CLSTN2: variants seen among roughly 807,000 people sequenced by gnomAD.
CLSTN2 encodes the protein calsyntenin 2.
In CLSTN2, 48 loss-of-function variants were observed where a neutral mutation model predicts 101.2. The observed-to-expected ratio is 0.47, with a 90% confidence interval of 0.38 to 0.60. The LOEUF is 0.60. Ranked by LOEUF, CLSTN2 falls within the 20% of genes least tolerant of loss-of-function variation. The probability of loss-of-function intolerance (pLI) is 0.00; values close to 1 mark genes in which losing one functional copy is unlikely to be tolerated. For synonymous variants in CLSTN2, 481 were observed against 463.6 expected (o/e 1.04, Z -0.48); for missense variants, 1,160 against 1,238.2 (o/e 0.94, Z 0.95).
intron 2 of CLSTN2, among the ~76,000 whole-genome samples, chr3:140,255,075 A>T (rs2086594218): frequency 6.6e-6 from 1 of 152,188 alleles, no homozygotes; most frequent in Non-Finnish European, 1.5e-5. Context: ...ATCATTAGGG[A>T]AATATAAATC....
chr3:140,347,874 A>G (rs1038618159), intron 2 of CLSTN2, among the ~76,000 whole-genome samples: 2 of 152,260 alleles, frequency 1.3e-5, no homozygotes, highest in Non-Finnish European at 2.9e-5. Context: ...TTTACCCAAT[A>G]GACAAGTCCA....
At chr3:140,098,185 AGCAAACCACAGTAAGTATCACAACTCAG>A (rs1214765731) in intron 1 of CLSTN2, among the ~76,000 whole-genome samples, 1 of 152,178 alleles carries the variant, frequency 6.6e-6, no homozygotes, top group Non-Finnish European at 1.5e-5. Flanking sequence ...AATGCCACAA[AGCAAACCACAGTAAGTATCACAACTCAG>A]GTGGATACTT....
intron 2 of CLSTN2, among the ~76,000 whole-genome samples, chr3:140,288,926 TCC>T (rs1445459857): frequency 7.1e-6 from 1 of 141,586 alleles, no homozygotes; most frequent in Non-Finnish European, 1.5e-5. Context: ...CTGGGCAGCC[TCC>T]CCAGACACTC....
chr3:140,216,498 C>T (rs2010922975), intron 2 of CLSTN2, among the ~76,000 whole-genome samples: 1 of 152,146 alleles, frequency 6.6e-6, no homozygotes, highest in Non-Finnish European at 1.5e-5. Flanking sequence ...TGCTCTGCTT[C>T]TCCTCCCCTT....
intron 6 of CLSTN2, among the ~76,000 whole-genome samples, chr3:140,453,509 G>C (rs1225074065): frequency 6.6e-6 from 1 of 152,030 alleles, no homozygotes; most frequent in Non-Finnish European, 1.5e-5. Context: ...AAATAATGTA[G>C]AGATTAAAAG....
chr3:140,316,631 T>A (rs1037251708), intron 2 of CLSTN2, among the ~76,000 whole-genome samples: 4 of 152,160 alleles, frequency 2.6e-5, no homozygotes, highest in African/African-American at 7.2e-5. Context: ...AGGGATTGTG[T>A]CTCAGATCTC....
chr3:140,165,520 G>A (rs2010121767), intron 1 of CLSTN2, among the ~76,000 whole-genome samples: 1 of 152,200 alleles, frequency 6.6e-6, no homozygotes, highest in South Asian at 2.1e-4. Flanking sequence ...AGAGCAGACA[G>A]TACAGGGTGA....
chr3:140,527,202 C>T (rs531457535), intron 8 of CLSTN2, among the ~76,000 whole-genome samples: 187 of 152,096 alleles, frequency 1.2e-3, no homozygotes, highest in African/African-American at 4.4e-3. Context: ...TTCTAATATC[C>T]AGAATCTACA....
intron 2 of CLSTN2, among the ~76,000 whole-genome samples, chr3:140,234,922 G>A (rs1218211957): frequency 6.6e-6 from 1 of 152,102 alleles, no homozygotes; most frequent in East Asian, 1.9e-4. Flanking sequence ...TTCTGCAGAA[G>A]CCACACAGAC....
chr3:140,487,489 G>A (rs922295215), intron 8 of CLSTN2, among the ~76,000 whole-genome samples: 35 of 152,204 alleles, frequency 2.3e-4, no homozygotes, highest in Admixed American at 1.3e-4. Context: ...GAATGAGTTG[G>A]TGTTTGTTTC....
At chr3:140,470,196 C>A (rs149515778) in intron 8 of CLSTN2, among the ~76,000 whole-genome samples, 8 of 152,384 alleles carry the variant, frequency 5.2e-5, no homozygotes, top group Non-Finnish European at 1.2e-4. Context: ...ACAAACTGTG[C>A]TCTAGGCTCT....
Position 140,513,583 on chromosome 3 carries a change from C to CTTCTT in CLSTN2, c.1345-18739_1345-18738insCTTTT, listed in dbSNP as rs374321434. Among the ~76,000 whole-genome samples the CTTCTT allele has an allele frequency of 2.1e-3, 248 of 117,752 alleles. 1 individual carries two copies. The highest frequency in any genetic ancestry group is 0.01 in the Middle Eastern group (2 of 196). The allele number at this position is 117,752 out of a possible 152,430, so 77.2% of individuals were successfully genotyped here. On this transcript the variant is annotated intron_variant, in intron 8 of 16. Coordinates refer to ENST00000458420, the MANE Select transcript of CLSTN2 (RefSeq NM_022131.3). The stretch of plus-strand genomic sequence containing the variant: ...CCTGAAGCTTTCTTTTTTTTTCTTT[C>CTTCTT]TTTTTTTTTTTTTTTTTGGGTGTGT...
At chr3:140,102,645 T>A (rs1413498547) in intron 1 of CLSTN2, among the ~76,000 whole-genome samples, 1 of 152,210 alleles carries the variant, frequency 6.6e-6, no homozygotes, top group East Asian at 1.9e-4. Flanking sequence ...CATGACTCCA[T>A]TGTTTCTTCA....
At chr3:140,478,388 A>T (rs1273485798) in intron 8 of CLSTN2, among the ~76,000 whole-genome samples, 2 of 152,002 alleles carry the variant, frequency 1.3e-5, no homozygotes, top group African/African-American at 2.4e-5. Flanking sequence ...GTACGTGTCC[A>T]TGTATGAAAT....
At chr3:140,143,574 A>G (rs1162559373) in intron 1 of CLSTN2, among the ~76,000 whole-genome samples, 1 of 152,330 alleles carries the variant, frequency 6.6e-6, no homozygotes, top group East Asian at 1.9e-4. Flanking sequence ...TTTACGAGCT[A>G]TCTGTACATC....
chr3:140,029,364 G>A (rs2007499271), intron 1 of CLSTN2, among the ~76,000 whole-genome samples: 1 of 147,610 alleles, frequency 6.8e-6, no homozygotes, highest in African/African-American at 2.7e-5. Flanking sequence ...GTGACTAAAA[G>A]TATATAGTAT....
chr3:140,507,580 G>A (rs959781688), intron 8 of CLSTN2: 1 of 152,138 alleles, frequency 6.6e-6, no homozygotes, highest in Non-Finnish European at 1.5e-5. Flanking sequence ...TGCTTGTTCT[G>A]TCTGCCTTGA....
At chr3:139,996,083 A>G (rs2006649498) in intron 1 of CLSTN2, among the ~76,000 whole-genome samples, 1 of 152,176 alleles carries the variant, frequency 6.6e-6, no homozygotes, top group South Asian at 2.1e-4. Flanking sequence ...CACAGAGGTG[A>G]CCATGATTCT....
At chr3:140,068,813 T>C (rs2008343930) in intron 1 of CLSTN2, among the ~76,000 whole-genome samples, 1 of 152,214 alleles carries the variant, frequency 6.6e-6, no homozygotes, top group African/African-American at 2.4e-5. Flanking sequence ...AATTTATGAT[T>C]GTATATATTT....
Sources: gnomAD v4.1 joint callset for allele counts (sites outside exome capture counted in the v4.1 genomes callset) on GRCh38, gnomAD v4.1.1 for gene constraint, MANE v1.5 for transcripts, NCBI Gene and HGNC (gene_info 2026-07-23, HGNC 2026-07-21) for gene names.